Variants in PRKCH observed in about 807,000 individuals in gnomAD.
PRKCH encodes protein kinase C eta type.
PRKCH carries 28 observed loss-of-function variants against 82.5 expected under a neutral mutation model. The ratio of observed to expected loss-of-function variants is 0.34; its 90% CI spans 0.25 to 0.47. PRKCH has a LOEUF of 0.47. PRKCH is among the 20% of genes least tolerant of loss of function. The pLI is 1.00. For missense variants in PRKCH, 705 were observed against 881.8 expected (o/e 0.80, Z 2.54); for synonymous variants, 322 against 327.4 (o/e 0.98, Z 0.18).
At chr14:61,203,192 C>T (rs979666114) in intron 1 of PRKCH, among the ~76,000 whole-genome samples, 1 of 152,086 alleles carries the variant, frequency 6.6e-6, no homozygotes, top group African/African-American at 2.4e-5. Context: ...ACCTCATATC[C>T]TGCCACTACC....
chr14:61,225,298 T>C (rs1420301050), intron 1 of PRKCH, among the ~76,000 whole-genome samples: 1 of 152,234 alleles, frequency 6.6e-6, no homozygotes, highest in African/African-American at 2.4e-5. Context: ...TTTAACCTAT[T>C]TCTATGTTAT....
intron 1 of PRKCH, among the ~76,000 whole-genome samples, chr14:61,384,573 A>G (rs949935873): frequency 6.6e-5 from 10 of 151,986 alleles, no homozygotes; most frequent in African/African-American, 1.9e-4. Flanking sequence ...CTCAGCCACA[A>G]TGTGGGAGAT....
In PRKCH at chr14:61,191,541, T is replaced by G. The variant is rs147590142; in HGVS notation, c.-19+3873T>G. Among the ~76,000 whole-genome samples the G allele has an allele frequency of 1.3e-3, 198 of 152,136 alleles. 1 individual carries two copies. In the East Asian group the frequency reaches 0.035, roughly 27 times the overall value. On this transcript the variant is annotated intron_variant, in intron 1 of 3. Transcript: ENST00000555185. ...TACAAAAGTTAGCTGGGTATGGTGG[T>G]GCACACCTGTAATCCCAGCTACTCA...
At chr14:61,540,232 G>A (rs2043165157) in intron 12 of PRKCH, among the ~76,000 whole-genome samples, 1 of 152,132 alleles carries the variant, frequency 6.6e-6, no homozygotes, top group South Asian at 2.1e-4. Flanking sequence ...CATAGAATCA[G>A]AGGAAAAAGA....
intron 1 of PRKCH, among the ~76,000 whole-genome samples, chr14:61,352,347 C>T (rs1304598366): frequency 1.3e-5 from 2 of 152,058 alleles, no homozygotes; most frequent in African/African-American, 2.4e-5. Context: ...TTAAAGAACA[C>T]AGTGAATTGA....
intron 9 of PRKCH, among the ~76,000 whole-genome samples, chr14:61,461,496 A>G (rs1176624698): frequency 1.3e-5 from 2 of 152,224 alleles, no homozygotes; most frequent in Non-Finnish European, 1.5e-5. Context: ...GGCCTGAGCC[A>G]AACATCACAT....
chr14:61,542,485 GA>G (rs2043200932), intron 12 of PRKCH, among the ~76,000 whole-genome samples: 1 of 152,026 alleles, frequency 6.6e-6, no homozygotes, highest in Non-Finnish European at 1.5e-5. Flanking sequence ...AGACCAGCCT[GA>G]ACAACATAGG....
In PRKCH at chr14:61,280,950, G is replaced by T; in HGVS notation, c.-19+93282G>T. Reference sequence around the variant, plus strand: ...TACCGGTGCCCGGGTCGCCTGTATAGTCGTACTCCAGCTCCTTGATGCCGT... The same window carrying T: ...TACCGGTGCCCGGGTCGCCTGTATATTCGTACTCCAGCTCCTTGATGCCGT... On this transcript the variant is annotated intron_variant, in intron 1 of 3. Coordinates refer to the PRKCH transcript ENST00000555185. The surrounding 1 kb of genome is among the most constrained non-coding windows in gnomAD (Gnocchi z 5.0). The T allele has an allele frequency of 6.5e-7, 1 of 1,543,570 alleles. No individual in the cohort carries two copies.
intron 1 of PRKCH, among the ~76,000 whole-genome samples, chr14:61,229,193 G>A (rs2044721021): frequency 6.6e-6 from 1 of 152,154 alleles, no homozygotes; most frequent in Non-Finnish European, 1.5e-5. Context: ...AGAATACAGT[G>A]AGAGTGCCAA....
intron 9 of PRKCH, among the ~76,000 whole-genome samples, chr14:61,466,963 C>T (rs1249835010): frequency 6.6e-6 from 1 of 152,168 alleles, no homozygotes; most frequent in East Asian, 1.9e-4. Flanking sequence ...TAAATGCCAT[C>T]GCTGCATACA....
At chr14:61,407,300 A>G (rs1231310970) in intron 2 of PRKCH, among the ~76,000 whole-genome samples, 1 of 152,126 alleles carries the variant, frequency 6.6e-6, no homozygotes, top group African/African-American at 2.4e-5. Flanking sequence ...AAGTCTAAAT[A>G]CCCTACCATT....
intron 1 of PRKCH, among the ~76,000 whole-genome samples, chr14:61,235,920 T>C (rs887900452): frequency 1.3e-5 from 2 of 152,204 alleles, no homozygotes; most frequent in Admixed American, 6.5e-5. Flanking sequence ...ACCAGCTGAA[T>C]GGACCCTTCC....
rs1239184001 is a variant in PRKCH at position 61,529,124 on chromosome 14, C to T, written c.1483C>T (p.Leu495=). Residue 495 remains leucine (L), a synonymous_variant, in exon 11 of 14, where the codon CTG becomes TTG. Coordinates refer to ENST00000332981, the MANE Select transcript of PRKCH (RefSeq NM_006255.5). ...VLLDHEGHCK[L]ADFGMCKEGI... is the part of the protein sequence containing the mutation. ...GTTGGACCACGAGGGTCACTGTAAA[C>T]TGGCAGACTTCGGAATGTGCAAGGA... 3 of 1,614,078 alleles carry T rather than the reference C, an allele frequency of 1.9e-6. No homozygotes were observed. Among genetic ancestry groups the T allele is most frequent in the East Asian group, 2.2e-5 (1 of 44,870 alleles).
At chr14:61,388,702 A>G (rs2046627804) in intron 1 of PRKCH, among the ~76,000 whole-genome samples, 1 of 152,228 alleles carries the variant, frequency 6.6e-6, no homozygotes, top group African/African-American at 2.4e-5. Flanking sequence ...AGACAATTAG[A>G]GGCTGATATC....
intron 10 of PRKCH, among the ~76,000 whole-genome samples, chr14:61,489,067 G>A (rs566236270): frequency 6.6e-6 from 1 of 152,174 alleles, no homozygotes; most frequent in Non-Finnish European, 1.5e-5. Flanking sequence ...TTAAGGATAA[G>A]ACTTTGAAAG....
intron 7 of PRKCH, among the ~76,000 whole-genome samples, chr14:61,455,545 A>G (rs937970992): frequency 3.3e-5 from 5 of 152,324 alleles, no homozygotes; most frequent in Non-Finnish European, 4.4e-5. Context: ...CAGGATGCCA[A>G]TATTGTGCGG....
At chr14:61,493,109 T>C (rs1886526657) in intron 10 of PRKCH, among the ~76,000 whole-genome samples, 1 of 152,162 alleles carries the variant, frequency 6.6e-6, no homozygotes, top group Non-Finnish European at 1.5e-5. Flanking sequence ...GTTCTTGAGA[T>C]GTTTGAATTC....
intron 1 of PRKCH, among the ~76,000 whole-genome samples, chr14:61,253,596 G>A (rs1223269760): frequency 6.6e-6 from 1 of 152,194 alleles, no homozygotes; most frequent in African/African-American, 2.4e-5. Flanking sequence ...ATTAAAATAT[G>A]CTCAAGTTTG....
At chr14:61,520,385 A>C (rs1439852992) in intron 10 of PRKCH, among the ~76,000 whole-genome samples, 2 of 152,204 alleles carry the variant, frequency 1.3e-5, no homozygotes, top group Non-Finnish European at 2.9e-5. Context: ...TCTTTCACTT[A>C]GAATTGTATG....
Sources: allele counts gnomAD v4.1 joint callset (sites outside exome capture counted in the v4.1 genomes callset), GRCh38; gene constraint gnomAD v4.1.1; non-coding constraint Gnocchi (gnomAD v3.1); transcripts MANE v1.5; gene names NCBI Gene and HGNC (gene_info 2026-07-23, HGNC 2026-07-21).